Variants in ZNF521 observed in about 807,000 individuals in gnomAD.
ZNF521 encodes LYST-interacting protein 3.
In ZNF521, 14 loss-of-function variants were observed where a neutral mutation model predicts 105.5. The observed-to-expected ratio is 0.13, with a 90% CI of 0.09 to 0.21. The LOEUF is 0.21. Among genes scored for constraint, ZNF521 ranks in the 10% least tolerant of loss-of-function variants. The pLI is 1.00. For synonymous variants in ZNF521, 635 were observed against 606.0 expected, an observed-to-expected ratio of 1.05 and a Z score of -0.70; for missense variants, 1,233 against 1,629.7, an observed-to-expected ratio of 0.76 and a Z score of 4.19.
intron 7 of ZNF521, among the ~76,000 whole-genome samples, chr18:25,063,851 G>A (rs1245870882): frequency 1.3e-5 from 2 of 151,982 alleles, no homozygotes; most frequent in Admixed American, 6.6e-5. Flanking sequence ...TACAACCTTG[G>A]GGCCCAGCTC....
chr18:25,162,470 C>T (rs926166520), intron 5 of ZNF521, among the ~76,000 whole-genome samples: 1 of 152,174 alleles, frequency 6.6e-6, no homozygotes, highest in South Asian at 2.1e-4. Flanking sequence ...TTCTGCAACA[C>T]ACAAAATTAT....
intron 3 of ZNF521, among the ~76,000 whole-genome samples, chr18:25,263,352 C>A (rs1909039429): frequency 6.6e-6 from 1 of 151,766 alleles, no homozygotes; most frequent in Non-Finnish European, 1.5e-5. Flanking sequence ...AGGTCAATAA[C>A]TTGCTTTTTT....
chr18:25,333,581 AT>A (rs1402889546), intron 2 of ZNF521, among the ~76,000 whole-genome samples: 1 of 151,978 alleles, frequency 6.6e-6, no homozygotes, highest in Non-Finnish European at 1.5e-5. Flanking sequence ...AATTGGAGTA[AT>A]TTTTTTCAGA....
At chr18:25,293,115 G>A (rs1018279150) in intron 3 of ZNF521, among the ~76,000 whole-genome samples, 31 of 152,148 alleles carry the variant, frequency 2.0e-4, no homozygotes, top group African/African-American at 6.0e-4. Context: ...AAGAAGAGGC[G>A]ATAACAGAAC....
intron 2 of ZNF521, among the ~76,000 whole-genome samples, chr18:25,327,107 TG>T (rs1322546853): frequency 5.3e-5 from 8 of 152,098 alleles, no homozygotes; most frequent in African/African-American, 1.9e-4. Context: ...AAAGAAAAAG[TG>T]GCCCCAACAC....
intron 2 of ZNF521, chr18:25,327,604 G>A (rs750670444): frequency 6.7e-5 from 37 of 553,154 alleles, no homozygotes; most frequent in African/African-American, 2.1e-4. Context: ...TTAACAAGAA[G>A]TAGAAAGCCT....
chr18:25,294,477 A>G (rs1340850173), intron 3 of ZNF521, among the ~76,000 whole-genome samples: 1 of 152,206 alleles, frequency 6.6e-6, no homozygotes, highest in Non-Finnish European at 1.5e-5. Context: ...TCTGTTTTTC[A>G]CCATGTGCAA....
rs557119583 is a variant in ZNF521 at position 25,239,662 on chromosome 18, T to G, written c.221-11965A>C. Among the ~76,000 whole-genome samples the G allele has an allele frequency of 1.3e-4, 20 of 152,334 alleles. 1 individual carries two copies. In the East Asian group the frequency reaches 3.5e-3, roughly 26 times the overall value. On this transcript the variant is annotated intron_variant, in intron 3 of 7. Coordinates refer to ENST00000361524, the MANE Select transcript of ZNF521 (RefSeq NM_015461.3). Reference sequence around the variant, plus strand: ...TGATTAAATGCCTCAAGTTTGGACCTCTCTAGAAATTCTTTGTTCTTTGAA... The same window carrying G: ...TGATTAAATGCCTCAAGTTTGGACCGCTCTAGAAATTCTTTGTTCTTTGAA...
intron 7 of ZNF521, among the ~76,000 whole-genome samples, chr18:25,086,233 C>G (rs1313727882): frequency 1.3e-5 from 2 of 151,956 alleles, no homozygotes; most frequent in Non-Finnish European, 2.9e-5. Flanking sequence ...TTTTTTTTCA[C>G]TTGTCCTAGG....
At chr18:25,163,855 G>GTTCCTT (rs1194841221) in intron 5 of ZNF521, among the ~76,000 whole-genome samples, 1 of 152,166 alleles carries the variant, frequency 6.6e-6, no homozygotes, top group African/African-American at 2.4e-5. Flanking sequence ...ATATCAGAAG[G>GTTCCTT]TTCCTTTTCG....
chr18:25,174,029 T>TA (rs1260601996), intron 5 of ZNF521, among the ~76,000 whole-genome samples: 1 of 152,206 alleles, frequency 6.6e-6, no homozygotes, highest in Non-Finnish European at 1.5e-5. Context: ...ACATATTTTT[T>TA]AAAAAATTCA....
intron 3 of ZNF521, among the ~76,000 whole-genome samples, chr18:25,293,927 T>C (rs1020366027): frequency 2.0e-5 from 3 of 152,320 alleles, no homozygotes; most frequent in South Asian, 4.1e-4. Context: ...TTTTTCTTAC[T>C]TGCTTGCAAA....
chr18:25,086,065 G>A (rs1358634065), intron 7 of ZNF521, among the ~76,000 whole-genome samples: 1 of 152,028 alleles, frequency 6.6e-6, no homozygotes, highest in Middle Eastern at 3.4e-3. Flanking sequence ...AACTTTGGTG[G>A]CATAAAAAAG....
intron 5 of ZNF521, among the ~76,000 whole-genome samples, chr18:25,104,926 C>T (rs536636775): frequency 6.6e-6 from 1 of 152,076 alleles, no homozygotes; most frequent in Non-Finnish European, 1.5e-5. Context: ...GAGAAAAATG[C>T]CCAGGCAAAA....
At position 25,227,085 on chromosome 18, in the gene ZNF521, C is replaced by A; in HGVS notation, c.833G>T (p.Arg278Leu). The change falls in exon 4 of 8, where the codon CGA (arginine) becomes CTA (leucine). Residue 278 changes from arginine (R) to leucine (L), a missense_variant. This residue lies in a region of ZNF521 where 380 missense variants were observed against 478.0 expected (regional missense o/e 0.80). Coordinates refer to ENST00000361524, the MANE Select transcript of ZNF521 (RefSeq NM_015461.3). The surrounding 1 kb of genome is among the most constrained non-coding windows in gnomAD (Gnocchi z 5.7). Reference protein sequence around the residue: ...CHPECSPNEDRAALQCVYCHE... With the variant: ...CHPECSPNEDLAALQCVYCHE... Reference sequence around the variant, plus strand: ...GCAGTAGACACACTGGAGGGCCGCTCGGTCCTCATTTGGGGAGCATTCGGG... The same window carrying A: ...GCAGTAGACACACTGGAGGGCCGCTAGGTCCTCATTTGGGGAGCATTCGGG... 1 of 1,614,088 alleles carries A rather than the reference C, an allele frequency of 6.2e-7. No individual in the cohort carries two copies. The highest frequency in any genetic ancestry group is 8.5e-7 in the Non-Finnish European group (1 of 1,179,990).
In ZNF521 at chr18:25,322,146, C is replaced by T; in HGVS notation, c.82G>A (p.Ala28Thr). Residue 28 changes from alanine (A) to threonine (T), a missense_variant, in exon 3 of 8, where the codon GCA becomes ACA. Transcript: ENST00000361524. ...TCCGGCCTCTTCTTACAATCTAGTG[C>T]CTCTCCATCTTCAGTCTTGTCTTCA... ...KLEDKTEDGE[A>T]LDCKKRPEDG... The T allele has an allele frequency of 6.2e-7, 1 of 1,614,162 alleles. No homozygotes were observed. The highest frequency in any genetic ancestry group is 8.5e-7 in the Non-Finnish European group (1 of 1,180,024).
intron 5 of ZNF521, among the ~76,000 whole-genome samples, chr18:25,172,578 A>C: frequency 6.6e-6 from 1 of 152,152 alleles, no homozygotes; most frequent in South Asian, 2.1e-4. Flanking sequence ...TCAGTCTTCA[A>C]ATTGCATTCT....
intron 4 of ZNF521, among the ~76,000 whole-genome samples, chr18:25,198,550 T>A (rs2035939638): frequency 1.3e-5 from 2 of 151,962 alleles, no homozygotes; most frequent in South Asian, 4.2e-4. Context: ...CTGCTTTGAT[T>A]TCTTTTACCA....
intron 3 of ZNF521, among the ~76,000 whole-genome samples, chr18:25,285,066 A>G (rs1326311840): frequency 2.0e-5 from 3 of 151,860 alleles, no homozygotes; most frequent in African/African-American, 4.8e-5. Context: ...GAAAAGGGAA[A>G]AAAAAAAAAA....
Sources: gnomAD v4.1 joint callset for allele counts (sites outside exome capture counted in the v4.1 genomes callset) on GRCh38, gnomAD v4.1.1 for gene constraint, gnomAD v4.1.1 regional missense constraint, Gnocchi (gnomAD v3.1) non-coding constraint, MANE v1.5 for transcripts, NCBI Gene and HGNC (gene_info 2026-07-23, HGNC 2026-07-21) for gene names.